The following CTNNB1 variants were observed in gnomAD, a reference collection of about 807,000 sequenced individuals.
CTNNB1 encodes catenin beta 1, also known as catenin beta-1.
CTNNB1 carries 6 observed loss-of-function variants against 82.5 expected under a neutral mutation model. That is an observed-to-expected ratio of 0.07 (90% confidence interval 0.04 to 0.14). The LOEUF (loss-of-function observed/expected upper bound fraction) is 0.14, where lower values mean the gene tolerates loss of function less well. Among genes scored for constraint, CTNNB1 ranks in the 10% least tolerant of loss-of-function variants. The pLI is 1.00. For synonymous variants in CTNNB1, 312 were observed against 329.7 expected (o/e 0.95, Z 0.58); for missense variants, 529 against 980.4 (o/e 0.54, Z 6.15).
intron 12 of CTNNB1, 26 bp from the exon 13 acceptor site, chr3:41,236,562 A>C: frequency 1.2e-6 from 2 of 1,614,156 alleles, no homozygotes; most frequent in Non-Finnish European, 1.7e-6. Context: ...TTTTTCCTCA[A>C]GGGCCTTTTT....
At chr3:41,234,582 A>G (rs1429490735) in intron 10 of CTNNB1, 2 of 436,046 alleles carry the variant, frequency 4.6e-6, no homozygotes, top group East Asian at 9.4e-5. Context: ...ACAAAGGCCC[A>G]CTTCCTTAGG....
intron 1 of CTNNB1, among the ~76,000 whole-genome samples, chr3:41,206,013 G>C (rs2077640221): frequency 6.6e-6 from 1 of 152,112 alleles, no homozygotes; most frequent in African/African-American, 2.4e-5. Context: ...CCCTCTTTAT[G>C]ATGGTTTGAA....
In CTNNB1 at chr3:41,225,262, G is replaced by C. The variant is rs892189653; in HGVS notation, c.495+55G>C. On this transcript the variant is annotated intron_variant, in intron 4 of 14. Transcript: ENST00000349496. This position sits in a 1 kb window ranked among gnomAD's most constrained non-coding sequence, Gnocchi z 5.3. ...CTGCTTTGAAGTAAATGCTCAAGGG[G>C]AGTAGTTTCAGAATGTCTACCCAAT... is the stretch of plus-strand genomic sequence containing the variant. 1.9e-6 allele frequency: 3 copies of C among 1,613,698 alleles called. No individual in the cohort carries two copies. The African/African-American group carries it at 4.0e-5, about 22-fold the overall frequency.
At chr3:41,224,296 T>C (rs1219125844) in intron 2 of CTNNB1, 15 of 708,012 alleles carry the variant, frequency 2.1e-5, no homozygotes, top group Non-Finnish European at 3.7e-5. Context: ...GGAGCCTGGA[T>C]GCAGTACCAT....
At chr3:41,208,388 T>C (rs1386753071) in intron 1 of CTNNB1, among the ~76,000 whole-genome samples, 3 of 152,238 alleles carry the variant, frequency 2.0e-5, no homozygotes, top group Non-Finnish European at 4.4e-5. Flanking sequence ...TTTTCTACCC[T>C]AACTCAACTA....
intron 12 of CTNNB1, 34 bp downstream of exon 12, chr3:41,236,533 G>A (rs749670776): frequency 1.2e-6 from 2 of 1,614,178 alleles, no homozygotes; most frequent in East Asian, 2.2e-5. Flanking sequence ...TTTAGCAGAT[G>A]TGTACATTGA....
chr3:41,221,292 G>A (rs928111520), intron 1 of CTNNB1: 3 of 151,532 alleles, frequency 2.0e-5, no homozygotes, highest in African/African-American at 7.3e-5. Flanking sequence ...GTGTAAAGCT[G>A]TATAGCGTGT....
At chr3:41,226,395 A>G (rs1197931879) in intron 6 of CTNNB1, among the ~76,000 whole-genome samples, 1 of 152,182 alleles carries the variant, frequency 6.6e-6, no homozygotes, top group African/African-American at 2.4e-5. Context: ...CACATAACAC[A>G]AGTTGAAACT....
intron 10 of CTNNB1, chr3:41,235,477 T>A: frequency 3.7e-6 from 2 of 546,792 alleles, no homozygotes; most frequent in Non-Finnish European, 6.5e-6. Flanking sequence ...AAGTTGTCTT[T>A]GGGATTCAGC....
intron 2 of CTNNB1, chr3:41,224,317 A>AT (rs1239023575): frequency 2.9e-6 from 2 of 694,184 alleles, no homozygotes; most frequent in Non-Finnish European, 5.0e-6. Flanking sequence ...TCTTCCACTG[A>AT]TTCAGTGAGT....
intron 2 of CTNNB1, 65 bp from the exon 3 acceptor site, chr3:41,224,461 T>C (rs1181205169): frequency 3.5e-6 from 5 of 1,430,288 alleles, no homozygotes; most frequent in Non-Finnish European, 4.9e-6. Context: ...TATCACAGAT[T>C]CTTTTTTTTT....
rs751238346 is a variant in CTNNB1, at chr3:41,227,367, CTATT to C, written c.1081+16_1081+19del. ...TGTAGAAGCTGGTAAGTATATGTAT[CTATT>C]CTGAGTCTTGTGTATAGCATCTGCA... On this transcript the variant is annotated intron_variant, in intron 7 of 14. Transcript: ENST00000349496. 37 of 1,613,098 alleles carry C rather than the reference CTATT, an allele frequency of 2.3e-5. No homozygotes were observed. The highest frequency in any genetic ancestry group is 3.1e-5 in the Non-Finnish European group (36 of 1,179,318).
At chr3:41,224,204 C>T (rs2078119672) in intron 2 of CTNNB1, 123 bp downstream of exon 2, 1 of 1,214,324 alleles carries the variant, frequency 8.2e-7, no homozygotes, top group Non-Finnish European at 1.2e-6. Flanking sequence ...CCTTTTGCTC[C>T]ATTTTCTGCT....
chr3:41,200,734 GAAGTT>G (rs2077510553), intron 1 of CTNNB1, among the ~76,000 whole-genome samples: 1 of 152,126 alleles, frequency 6.6e-6, no homozygotes, highest in Admixed American at 6.5e-5. Context: ...GAGACTTTTC[GAAGTT>G]AAGTTCCTAT....
chr3:41,214,235 A>G (rs1211795155), intron 1 of CTNNB1, among the ~76,000 whole-genome samples: 1 of 152,080 alleles, frequency 6.6e-6, no homozygotes, highest in Admixed American at 6.5e-5. Flanking sequence ...TAAAAATACA[A>G]TGCCAGGGCC....
intron 1 of CTNNB1, among the ~76,000 whole-genome samples, chr3:41,217,179 C>A (rs2077933542): frequency 6.6e-6 from 1 of 152,196 alleles, no homozygotes; most frequent in Non-Finnish European, 1.5e-5. Flanking sequence ...TTCACTCTTT[C>A]TCTGCCTGGA....
At chr3:41,227,395 C>CA in intron 7 of CTNNB1, 43 bp downstream of exon 7, 6 of 1,599,182 alleles carry the variant, frequency 3.8e-6, no homozygotes, top group Non-Finnish European at 4.3e-6. Flanking sequence ...ATAGCATCTG[C>CA]AGTTCTAATT....
At position 41,204,917 on chromosome 3, in the gene CTNNB1, G is replaced by A. The variant is rs145180214; in HGVS notation, c.-49+5247G>A. 5.4e-3 allele frequency among the ~76,000 whole-genome samples: 824 copies of A among 152,278 alleles called. 2 individuals carry two copies. The highest frequency in any genetic ancestry group is 0.019 in the African/African-American group (781 of 41,558). On this transcript the variant is annotated intron_variant, in intron 1 of 14. Transcript: ENST00000349496. ...TATTTAGGCACTTGGGAAATGCCTTGTGTCAATTGATTATAGATTAGGAGC... is the reference window on the plus strand; with the variant it reads ...TATTTAGGCACTTGGGAAATGCCTTATGTCAATTGATTATAGATTAGGAGC...
At chr3:41,237,087 C>T in intron 13 of CTNNB1, 1 of 348,604 alleles carries the variant, frequency 2.9e-6, no homozygotes, top group Non-Finnish European at 5.2e-6. Flanking sequence ...ATTTGAATTT[C>T]TGCTATGAAT....
Sources: gnomAD v4.1 joint callset for allele counts (sites outside exome capture counted in the v4.1 genomes callset) on GRCh38, gnomAD v4.1.1 for gene constraint, Gnocchi (gnomAD v3.1) non-coding constraint, MANE v1.5 for transcripts, NCBI Gene and HGNC (gene_info 2026-07-23, HGNC 2026-07-21) for gene names.